MAGI2: variants seen among roughly 807,000 people sequenced by gnomAD.
MAGI2 encodes membrane-associated guanylate kinase, WW and PDZ domain-containing protein 2.
MAGI2 carries 35 observed loss-of-function variants against 133.3 expected under a neutral mutation model. The observed-to-expected ratio is 0.26, with a 90% CI of 0.20 to 0.35. The LOEUF (loss-of-function observed/expected upper bound fraction) is 0.35. Ranked by LOEUF, MAGI2 falls within the 10% of genes least tolerant of loss-of-function variation. MAGI2 has a pLI of 1.00. For synonymous variants in MAGI2, 729 were observed against 710.6 expected (o/e 1.03, Z -0.41); for missense variants, 1,636 against 1,863.4 (o/e 0.88, Z 2.25).
intron 9 of MAGI2, among the ~76,000 whole-genome samples, chr7:78,300,116 A>G (rs1249322775): frequency 2.6e-5 from 4 of 152,210 alleles, no homozygotes; most frequent in South Asian, 2.1e-4. Context: ...ATCCACAAAA[A>G]TCACAGACAT....
intron 3 of MAGI2, among the ~76,000 whole-genome samples, chr7:78,604,955 T>G (rs1421763090): frequency 6.6e-6 from 1 of 152,228 alleles, no homozygotes; most frequent in East Asian, 1.9e-4. Flanking sequence ...ATTTTATGTA[T>G]CCATACTTCC....
chr7:79,050,777 G>A (rs945146280), intron 1 of MAGI2, among the ~76,000 whole-genome samples: 6 of 152,188 alleles, frequency 3.9e-5, no homozygotes, highest in African/African-American at 1.4e-4. Context: ...GAAGTCTCCT[G>A]GCTGAAAGCC....
At chr7:78,148,772 G>A (rs184719128) in intron 16 of MAGI2, among the ~76,000 whole-genome samples, 1 of 152,140 alleles carries the variant, frequency 6.6e-6, no homozygotes, top group African/African-American at 2.4e-5. Flanking sequence ...GTGTTGTGAG[G>A]GGTGAGAGTG....
At chr7:79,422,437 GGTA>G (rs1426810373) in intron 1 of MAGI2, among the ~76,000 whole-genome samples, 1 of 151,652 alleles carries the variant, frequency 6.6e-6, no homozygotes, top group Non-Finnish European at 1.5e-5. Context: ...CCAAAATCCA[GGTA>G]CTTTATGAAA....
intron 2 of MAGI2, among the ~76,000 whole-genome samples, chr7:78,912,799 CATAT>C (rs906164965): frequency 7.3e-6 from 1 of 136,924 alleles, no homozygotes; most frequent in East Asian, 2.2e-4. Flanking sequence ...ATATATCATT[CATAT>C]ATATATATAT....
intron 2 of MAGI2, among the ~76,000 whole-genome samples, chr7:78,700,225 T>C (rs1446179602): frequency 6.6e-6 from 1 of 152,146 alleles, no homozygotes; most frequent in South Asian, 2.1e-4. Flanking sequence ...TGCCACTTAA[T>C]GGTAGGAGAT....
At chr7:78,426,793 G>A (rs1172539838) in intron 6 of MAGI2, among the ~76,000 whole-genome samples, 3 of 152,014 alleles carry the variant, frequency 2.0e-5, no homozygotes, top group African/African-American at 7.2e-5. Flanking sequence ...TCCCAGGCAG[G>A]ATTAATATAA....
At chr7:78,252,186 G>A (rs1414288398) in intron 10 of MAGI2, 1 of 150,240 alleles carries the variant, frequency 6.7e-6, no homozygotes, top group Non-Finnish European at 1.5e-5. Flanking sequence ...GAATGTCTAT[G>A]GAAATGCAAA....
chr7:78,613,066 A>T (rs1285939462), intron 3 of MAGI2, among the ~76,000 whole-genome samples: 1 of 152,242 alleles, frequency 6.6e-6, no homozygotes, highest in African/African-American at 2.4e-5. Context: ...TTATTCACAC[A>T]AACTTCAGGC....
intron 1 of MAGI2, among the ~76,000 whole-genome samples, chr7:79,198,516 T>A (rs1828291276): frequency 6.6e-6 from 1 of 151,994 alleles, no homozygotes; most frequent in Admixed American, 6.6e-5. Context: ...TTAATTACAA[T>A]ACTGATCCTA....
chr7:79,227,971 C>A lies in MAGI2; in HGVS notation c.302-220765G>T, dbSNP rs1341461520. On this transcript the variant is annotated intron_variant, in intron 1 of 21. Coordinates refer to ENST00000354212, the MANE Select transcript of MAGI2 (RefSeq NM_012301.4). ...GTGTTGGCACCACTGAAGTGAACAG[C>A]AATCTGTGTTAATGTGGCCAGGGTA... is the stretch of plus-strand genomic sequence containing the variant. 2.0e-5 allele frequency among the ~76,000 whole-genome samples: 3 copies of A among 152,252 alleles called. No homozygotes were observed. The South Asian group carries it at 6.2e-4, about 32-fold the overall frequency.
intron 17 of MAGI2, 74 bp from the exon 18 acceptor site, chr7:78,133,134 T>C: frequency 8.0e-6 from 10 of 1,250,180 alleles, no homozygotes; most frequent in Non-Finnish European, 1.1e-5. Flanking sequence ...CTAGAGGCAG[T>C]GACTTTGCCT....
chr7:78,177,717 AG>A (rs1826792849), intron 14 of MAGI2, among the ~76,000 whole-genome samples: 1 of 152,188 alleles, frequency 6.6e-6, no homozygotes, highest in African/African-American at 2.4e-5. Context: ...CAAAGATACC[AG>A]GGGTTCAGTG....
chr7:78,389,577 C>A (rs1795711939), intron 6 of MAGI2, among the ~76,000 whole-genome samples: 1 of 152,154 alleles, frequency 6.6e-6, no homozygotes. Context: ...CAACCCTAGA[C>A]AGATATTTGG....
chr7:79,233,801 G>A, intron 1 of MAGI2, among the ~76,000 whole-genome samples: 1 of 145,238 alleles, frequency 6.9e-6, no homozygotes, highest in East Asian at 2.1e-4. Context: ...TACATTTAAA[G>A]TTAATATTGT....
intron 9 of MAGI2, among the ~76,000 whole-genome samples, chr7:78,334,574 T>C (rs958923895): frequency 2.6e-5 from 4 of 152,172 alleles, no homozygotes; most frequent in Admixed American, 2.6e-4. Context: ...CCACTGTTAT[T>C]CACAAACACC....
chr7:78,530,760 T>C (rs1797398621), intron 3 of MAGI2, among the ~76,000 whole-genome samples: 1 of 152,128 alleles, frequency 6.6e-6, no homozygotes, highest in Non-Finnish European at 1.5e-5. Flanking sequence ...ACATATGATA[T>C]GTGTCCCATT....
chr7:78,680,740 CT>C (rs1815558295), intron 2 of MAGI2, among the ~76,000 whole-genome samples: 1 of 152,170 alleles, frequency 6.6e-6, no homozygotes, highest in Non-Finnish European at 1.5e-5. Flanking sequence ...CTAAATCCCT[CT>C]TAACCCAGTA....
chr7:79,188,597 C>T (rs10270117), intron 1 of MAGI2, among the ~76,000 whole-genome samples: 29,327 of 151,580 alleles, frequency 0.19, 6,711 homozygotes, highest in African/African-American at 0.54. Flanking sequence ...TGCATAAGCA[C>T]CCAATTCTTG....
Sources: allele counts gnomAD v4.1 joint callset (sites outside exome capture counted in the v4.1 genomes callset), GRCh38; gene constraint gnomAD v4.1.1; transcripts MANE v1.5; gene names NCBI Gene and HGNC (gene_info 2026-07-23, HGNC 2026-07-21).